ARID1A: variants seen among roughly 807,000 people sequenced by gnomAD.
The protein encoded by ARID1A is AT-rich interactive domain-containing protein 1A.
In ARID1A, 20 loss-of-function variants were observed where a neutral mutation model predicts 212.6. The observed-to-expected ratio is 0.09, with a 90% confidence interval of 0.07 to 0.14. The LOEUF (loss-of-function observed/expected upper bound fraction) is 0.14. Among genes scored for constraint, ARID1A ranks in the 10% least tolerant of loss-of-function variants. ARID1A has a pLI of 1.00. For missense variants in ARID1A, 2,587 were observed against 3,059.0 expected (o/e 0.85, Z 3.64); for synonymous variants, 1,376 against 1,222.1 (o/e 1.13, Z -2.63).
In ARID1A at chr1:26,767,786, C is replaced by A; in HGVS notation, c.2989-4C>A. 6 of 1,611,236 alleles carry A rather than the reference C, an allele frequency of 3.7e-6. No homozygotes were observed. The highest frequency in any genetic ancestry group is 5.1e-6 in the Non-Finnish European group (6 of 1,178,190). On this transcript the variant is annotated splice_polypyrimidine_tract_variant and splice_region_variant and intron_variant, in intron 10 of 19. Transcript: ENST00000324856. ...TCCTATGAATTTTGACCTGAACCTT[C>A]CAGAAATCCAGTTCTTCTACTACAA...
At chr1:26,745,908 G>C (rs767741880) in intron 4 of ARID1A, among the ~76,000 whole-genome samples, 2 of 152,064 alleles carry the variant, frequency 1.3e-5, no homozygotes, top group Non-Finnish European at 2.9e-5. Context: ...AAAATTAGCC[G>C]GGCGTGGTGG....
intron 4 of ARID1A, among the ~76,000 whole-genome samples, chr1:26,743,238 A>AT (rs2080804905): frequency 6.6e-6 from 1 of 152,102 alleles, no homozygotes. Context: ...CTTGATTAGG[A>AT]TGTATACCTG....
intron 4 of ARID1A, among the ~76,000 whole-genome samples, chr1:26,757,829 C>T (rs570882939): frequency 1.5e-3 from 223 of 152,148 alleles, no homozygotes; most frequent in Middle Eastern, 6.8e-3. Context: ...CCACCACGCC[C>T]GGGTTTTGCC....
intron 1 of ARID1A, among the ~76,000 whole-genome samples, chr1:26,713,682 C>T (rs992684667): frequency 3.3e-5 from 5 of 152,108 alleles, no homozygotes; most frequent in Admixed American, 6.6e-5. Context: ...GCTTTCCTTT[C>T]TTGGAAAAGC....
In ARID1A at chr1:26,768,923, G is replaced by C. The variant is rs564767047; in HGVS notation, c.3198+924G>C. On this transcript the variant is annotated intron_variant, in intron 11 of 19. Transcript: ENST00000324856. ...ATTCCAAACCTTCTAAATCAGAAGA[G>C]GAAAACAGCTGTCACCAGCAGAAAA... Among the ~76,000 whole-genome samples the C allele has an allele frequency of 2.0e-5, 3 of 152,316 alleles. No homozygotes were observed. The South Asian group carries it at 6.2e-4, about 32-fold the overall frequency.
chr1:26,764,217 G>A (rs1315221830), intron 8 of ARID1A: 1 of 150,112 alleles, frequency 6.7e-6, no homozygotes, highest in Non-Finnish European at 1.5e-5. Context: ...TGCCTGCCTT[G>A]GCCTCTGAAA....
intron 1 of ARID1A, among the ~76,000 whole-genome samples, chr1:26,697,884 A>G (rs1352424389): frequency 6.6e-6 from 1 of 151,936 alleles, no homozygotes. Flanking sequence ...GGCTCAGGTT[A>G]GGAGTGTAGG....
chr1:26,697,033 C>G lies in ARID1A; in HGVS notation c.630C>G (p.His210Gln), dbSNP rs763109453. The change falls in exon 1 of 20, where the codon CAC becomes CAG. Residue 210 changes from histidine (H) to glutamine (Q), a missense_variant. Transcript: ENST00000324856. Reference sequence around the variant, plus strand: ...CTCACGACCACGGCTTCCCCAACCACCAGTACAACTCCTACTACCCCAACC... The same window carrying G: ...CTCACGACCACGGCTTCCCCAACCAGCAGTACAACTCCTACTACCCCAACC... ...QNSHDHGFPNHQYNSYYPNRS... is the reference protein window; with the variant it reads ...QNSHDHGFPNQQYNSYYPNRS... The G allele has an allele frequency of 2.6e-6, 4 of 1,540,272 alleles. No individual in the cohort carries two copies. The highest frequency in any genetic ancestry group is 4.0e-5 in the Admixed American group (2 of 49,408).
intron 11 of ARID1A, among the ~76,000 whole-genome samples, chr1:26,768,666 G>A (rs990818282): frequency 6.6e-6 from 1 of 152,184 alleles, no homozygotes; most frequent in Non-Finnish European, 1.5e-5. Flanking sequence ...ATTCTGTATG[G>A]GAAACTTAAA....
rs1348722082 is a variant in ARID1A at position 26,714,009 on chromosome 1, A to G, written c.1138-15642A>G. Among the ~76,000 whole-genome samples, 4 of 152,254 alleles carry G rather than the reference A, an allele frequency of 2.6e-5. No individual in the cohort carries two copies. In the East Asian group the frequency reaches 7.7e-4, roughly 29 times the overall value. ...TTAAGATAGCTGGGCTCACCCAGCC[A>G]AACACATTTACCAAAGGGAAATTTT... On this transcript the variant is annotated intron_variant, in intron 1 of 19. Transcript: ENST00000324856.
rs1422168808 is a variant in ARID1A, at chr1:26,697,172, G to T, written c.769G>T (p.Ala257Ser). 5 of 1,431,588 alleles carry T rather than the reference G, an allele frequency of 3.5e-6. No homozygotes were observed. The highest frequency in any genetic ancestry group is 3.2e-5 in the Admixed American group (1 of 31,270). The allele number at this position is 1,431,588 out of a possible 1,614,324, so 88.7% of individuals were successfully genotyped here. A position where few individuals can be genotyped will look rare whatever the true frequency, so the allele number is the denominator to read the frequency against. Residue 257 changes from alanine (A) to serine (S), a missense_variant, in exon 1 of 20, where the codon GCC becomes TCC. Physicochemically the swap from Ala to Ser is moderately conservative, Grantham distance 99 (BLOSUM62 1). Around this residue, in one of 11 missense-constraint regions of ARID1A, gnomAD observed 735 missense variants for 590.6 expected, o/e 1.24. Transcript: ENST00000324856. ...CTCCAAGCCGCCTCCCTCCTCCAGC[G>T]CCTCCGCCTCCTCGTCGTCTTCGTC... ...AGSKPPPSSS[A>S]SASSSSSSFA...
rs2124120286 is a variant in ARID1A at position 26,774,763 on chromosome 1, G to T, written c.4536G>T (p.Gln1512His). The T allele has an allele frequency of 6.2e-7, 1 of 1,614,244 alleles. No individual in the cohort carries two copies. The highest frequency in any genetic ancestry group is 8.5e-7 in the Non-Finnish European group (1 of 1,180,050). ...NDMTYNYANRQSTGSAPQGPA... is the reference protein window; with the variant it reads ...NDMTYNYANRHSTGSAPQGPA... The stretch of plus-strand genomic sequence containing the variant: ...TGACCTATAATTATGCCAACAGGCA[G>T]AGCACGGGCTCTGCCCCCCAGGGCC... The change falls in exon 18 of 20, where the codon CAG becomes CAT. Residue 1512 changes from glutamine (Q) to histidine (H), a missense_variant. Around this residue, in one of 11 missense-constraint regions of ARID1A, gnomAD observed 890 missense variants for 1,098.2 expected, o/e 0.81. Coordinates refer to ENST00000324856, the MANE Select transcript of ARID1A (RefSeq NM_006015.6). This position sits in a 1 kb window ranked among gnomAD's most constrained non-coding sequence, Gnocchi z 5.6.
At chr1:26,720,467 A>G (rs1217338264) in intron 1 of ARID1A, among the ~76,000 whole-genome samples, 1 of 144,806 alleles carries the variant, frequency 6.9e-6, no homozygotes, top group Non-Finnish European at 1.5e-5. Context: ...AGCAAACAAG[A>G]CTCCATCTCA....
intron 10 of ARID1A, among the ~76,000 whole-genome samples, chr1:26,766,784 CAT>C (rs1189019018): frequency 6.6e-6 from 1 of 152,160 alleles, no homozygotes; most frequent in Non-Finnish European, 1.5e-5. Flanking sequence ...TGGTAAATAA[CAT>C]AATATTCTCA....
intron 7 of ARID1A, among the ~76,000 whole-genome samples, chr1:26,762,664 C>G (rs1262291071): frequency 1.3e-5 from 2 of 152,262 alleles, no homozygotes; most frequent in East Asian, 3.9e-4. Context: ...TGGAATAGAT[C>G]TTTGCTCAAA....
intron 1 of ARID1A, among the ~76,000 whole-genome samples, chr1:26,718,413 A>G (rs1300114795): frequency 6.6e-6 from 1 of 152,206 alleles, no homozygotes; most frequent in Non-Finnish European, 1.5e-5. Flanking sequence ...CTGGCCATGT[A>G]CAATAGTCCT....
At chr1:26,717,939 G>A (rs528815228) in intron 1 of ARID1A, among the ~76,000 whole-genome samples, 2 of 152,204 alleles carry the variant, frequency 1.3e-5, no homozygotes, top group African/African-American at 2.4e-5. Flanking sequence ...GCTGATTTGA[G>A]GAACAGTTTT....
chr1:26,697,775 C>T (rs998042920), intron 1 of ARID1A, among the ~76,000 whole-genome samples: 2 of 151,574 alleles, frequency 1.3e-5, no homozygotes, highest in African/African-American at 2.4e-5. Flanking sequence ...TTTTTCCTCT[C>T]CCCTGGTCCC....
intron 2 of ARID1A, among the ~76,000 whole-genome samples, chr1:26,730,569 T>G (rs1362325661): frequency 1.3e-5 from 2 of 152,194 alleles, no homozygotes; most frequent in Non-Finnish European, 2.9e-5. Flanking sequence ...AGAGGAGAGA[T>G]GAGGTAATTT....
Sources: gnomAD v4.1 joint callset for allele counts (sites outside exome capture counted in the v4.1 genomes callset) on GRCh38, gnomAD v4.1.1 for gene constraint, gnomAD v4.1.1 regional missense constraint, Gnocchi (gnomAD v3.1) non-coding constraint, MANE v1.5 for transcripts, NCBI Gene and HGNC (gene_info 2026-07-23, HGNC 2026-07-21) for gene names.